Variants in MALRD1 observed in about 807,000 individuals in gnomAD.
MALRD1 encodes the protein MAM and LDL-receptor class A domain-containing protein 1.
In MALRD1, 247 loss-of-function variants were observed where a neutral mutation model predicts 242.1. The ratio of observed to expected loss-of-function variants is 1.02; its 90% confidence interval spans 0.92 to 1.13. The LOEUF is 1.13. Among genes scored for constraint, MALRD1 ranks in the 50% most tolerant of loss-of-function variants. The probability of loss-of-function intolerance (pLI) is 0.00; values close to 1 mark genes in which losing one functional copy is unlikely to be tolerated. For missense variants in MALRD1, 2,989 were observed against 2,533.1 expected (o/e 1.18, Z -3.86); for synonymous variants, 995 against 866.6 (o/e 1.15, Z -2.60).
intron 36 of MALRD1, among the ~76,000 whole-genome samples, chr10:19,648,673 A>G (rs776330365): frequency 1.3e-4 from 20 of 152,238 alleles, no homozygotes; most frequent in Non-Finnish European, 2.4e-4. Flanking sequence ...AGAAAAAAGC[A>G]GCCAATACAA....
chr10:19,466,534 G>A (rs1382680363), intron 29 of MALRD1, among the ~76,000 whole-genome samples: 1 of 152,140 alleles, frequency 6.6e-6, no homozygotes, highest in Non-Finnish European at 1.5e-5. Context: ...AGTTCTGGAG[G>A]CTGGAAGTCC....
chr10:19,237,664 A>G lies in MALRD1; in HGVS notation c.2992-20020A>G, dbSNP rs60829976. On this transcript the variant is annotated intron_variant, in intron 18 of 39. Coordinates refer to ENST00000454679, the MANE Select transcript of MALRD1 (RefSeq NM_001142308.3). ...TATAAATTATTATAATTATATATAAATTATATAATTATATATAATTTATAT... is the reference window on the plus strand; with the variant it reads ...TATAAATTATTATAATTATATATAAGTTATATAATTATATATAATTTATAT... Among the ~76,000 whole-genome samples the G allele has an allele frequency of 2.2e-4, 22 of 101,102 alleles. No homozygotes were observed. The South Asian group carries it at 4.8e-3, about 22-fold the overall frequency. 66.3% of individuals were successfully genotyped at this position (101,102 alleles called of 152,430 possible). A position where few individuals can be genotyped will look rare whatever the true frequency, so the allele number is the denominator to read the frequency against.
intron 32 of MALRD1, among the ~76,000 whole-genome samples, chr10:19,536,629 TAA>T (rs1322846137): frequency 4.6e-5 from 7 of 152,084 alleles, no homozygotes; most frequent in African/African-American, 7.2e-5. Context: ...TTGTCTGATA[TAA>T]GTGTGCACTG....
chr10:19,701,872 C>G (rs1370623541), intron 38 of MALRD1, among the ~76,000 whole-genome samples: 2 of 150,992 alleles, frequency 1.3e-5, no homozygotes, highest in Non-Finnish European at 2.9e-5. Context: ...CTTCCTTTCT[C>G]TTCTCACCCC....
chr10:19,199,232 T>A, intron 14 of MALRD1, among the ~76,000 whole-genome samples: 1 of 152,228 alleles, frequency 6.6e-6, no homozygotes, highest in Non-Finnish European at 1.5e-5. Flanking sequence ...GCGATTATTA[T>A]TGTATGGTGT....
intron 2 of MALRD1, among the ~76,000 whole-genome samples, chr10:19,072,441 T>G (rs1235237479): frequency 6.6e-6 from 1 of 152,192 alleles, no homozygotes; most frequent in Admixed American, 6.6e-5. Context: ...ATATTTATTT[T>G]TTTGAATTTT....
In MALRD1 at chr10:19,283,169, T is replaced by C. The variant is rs765180797; in HGVS notation, c.3407T>C (p.Val1136Ala). 4.7e-5 allele frequency: 73 copies of C among 1,546,816 alleles called. No homozygotes were observed. The highest frequency in any genetic ancestry group is 1.2e-5 in the South Asian group (1 of 83,632). Residue 1136 changes from valine to alanine, a missense_variant, in exon 21 of 40, where the codon GTG (valine) becomes GCG (alanine). By Grantham distance (64) the Val-to-Ala change is moderately conservative. Transcript: ENST00000454679. ...GGGGAAGAAAACCACAGGCCATCAG[T>C]GGATCATACACAGTAAGTGACCATG... ...HHGEENHRPSVDHTQNTTDGW... is the reference protein window; with the variant it reads ...HHGEENHRPSADHTQNTTDGW...
chr10:19,341,253 G>A (rs1843837413), intron 24 of MALRD1, among the ~76,000 whole-genome samples: 1 of 151,546 alleles, frequency 6.6e-6, no homozygotes, highest in African/African-American at 2.4e-5. Context: ...AAGGTTTTGA[G>A]AAACTTGTAA....
At chr10:19,685,220 A>G (rs1842532839) in intron 36 of MALRD1, among the ~76,000 whole-genome samples, 1 of 152,188 alleles carries the variant, frequency 6.6e-6, no homozygotes, top group Non-Finnish European at 1.5e-5. Context: ...GCTCTCTTTA[A>G]GAACTTTTCT....
intron 14 of MALRD1, among the ~76,000 whole-genome samples, chr10:19,203,008 G>C (rs1476179095): frequency 2.6e-5 from 4 of 151,962 alleles, no homozygotes; most frequent in Non-Finnish European, 5.9e-5. Context: ...GTGAAAGTTA[G>C]ATATATATAT....
At chr10:19,170,409 G>A (rs1834872843) in intron 13 of MALRD1, among the ~76,000 whole-genome samples, 1 of 152,020 alleles carries the variant, frequency 6.6e-6, no homozygotes. Context: ...AAATGTAATT[G>A]TATCATATTT....
At chr10:19,570,513 C>A (rs951200264) in intron 33 of MALRD1, among the ~76,000 whole-genome samples, 1 of 151,992 alleles carries the variant, frequency 6.6e-6, no homozygotes, top group Non-Finnish European at 1.5e-5. Flanking sequence ...TACTAATATC[C>A]TCTTCCCTGT....
intron 19 of MALRD1, among the ~76,000 whole-genome samples, chr10:19,266,436 A>G (rs1460092697): frequency 1.3e-5 from 2 of 152,004 alleles, no homozygotes; most frequent in African/African-American, 4.8e-5. Flanking sequence ...GCTTATAGTT[A>G]CAACGATTCA....
At chr10:19,125,374 T>TTCC (rs1837246601) in intron 7 of MALRD1, among the ~76,000 whole-genome samples, 1 of 105,574 alleles carries the variant, frequency 9.5e-6, no homozygotes, top group Non-Finnish European at 1.9e-5. Flanking sequence ...TCTTTCTTTC[T>TTCC]TTCTTTCCTT....
At chr10:19,060,431 G>T (rs1408528794) in intron 1 of MALRD1, among the ~76,000 whole-genome samples, 1 of 152,068 alleles carries the variant, frequency 6.6e-6, no homozygotes, top group Non-Finnish European at 1.5e-5. Flanking sequence ...CGGAAATCAG[G>T]TCCTTTTTTC....
intron 26 of MALRD1, among the ~76,000 whole-genome samples, chr10:19,383,645 T>A (rs1845931843): frequency 6.6e-6 from 1 of 152,144 alleles, no homozygotes; most frequent in Non-Finnish European, 1.5e-5. Flanking sequence ...GTTAACTAAT[T>A]TTAATCCTTG....
intron 38 of MALRD1, among the ~76,000 whole-genome samples, chr10:19,699,861 G>C (rs543369068): frequency 6.6e-6 from 1 of 152,118 alleles, no homozygotes; most frequent in East Asian, 1.9e-4. Context: ...TGAGGGATCT[G>C]CTCCCATGAC....
chr10:19,499,217 G>A (rs967828384), intron 31 of MALRD1, among the ~76,000 whole-genome samples: 11 of 152,100 alleles, frequency 7.2e-5, no homozygotes, highest in Admixed American at 2.6e-4. Flanking sequence ...GTAGGAGTAA[G>A]CTTGTAATCT....
chr10:19,252,176 T>C (rs2131788645), intron 18 of MALRD1, among the ~76,000 whole-genome samples: 1 of 152,150 alleles, frequency 6.6e-6, no homozygotes, highest in African/African-American at 2.4e-5. Flanking sequence ...GGGTGCATAA[T>C]AGGGAGGACT....
Sources: allele counts gnomAD v4.1 joint callset (sites outside exome capture counted in the v4.1 genomes callset), GRCh38; gene constraint gnomAD v4.1.1; transcripts MANE v1.5; gene names NCBI Gene and HGNC (gene_info 2026-07-23, HGNC 2026-07-21).